DENND2B: variants seen among roughly 807,000 people sequenced by gnomAD.
DENND2B encodes DENN domain containing 2B, also known as DENN domain-containing protein 2B.
DENND2B carries 32 observed loss-of-function variants against 116.0 expected under a neutral mutation model. The ratio of observed to expected loss-of-function variants is 0.28; its 90% CI spans 0.21 to 0.37. The LOEUF (loss-of-function observed/expected upper bound fraction) is 0.37. Among genes scored for constraint, DENND2B ranks in the 10% least tolerant of loss-of-function variants. The pLI is 1.00. For synonymous variants in DENND2B, 588 were observed against 583.9 expected (o/e 1.01, Z -0.10); for missense variants, 1,276 against 1,477.7 (o/e 0.86, Z 2.24).
chr11:8,697,960 T>C, intron 16 of DENND2B: 1 of 467,262 alleles, frequency 2.1e-6, no homozygotes, highest in South Asian at 1.6e-5. Flanking sequence ...AGCAGGTCCC[T>C]CTATCTGCAA....
intron 10 of DENND2B, 83 bp from the exon 11 acceptor site, chr11:8,710,997 C>T (rs1455452281): frequency 5.1e-6 from 8 of 1,584,038 alleles, no homozygotes; most frequent in Admixed American, 1.7e-5. Flanking sequence ...GTCATTTTCA[C>T]GTGGGGTGAA....
intron 1 of DENND2B, among the ~76,000 whole-genome samples, chr11:8,883,403 A>C (rs1016076823): frequency 6.6e-6 from 1 of 152,230 alleles, no homozygotes; most frequent in Non-Finnish European, 1.5e-5. Flanking sequence ...TGAATGAAGA[A>C]TGTTCATTCC....
chr11:8,871,815 G>A (rs2134712639), upstream of DENND2B, among the ~76,000 whole-genome samples: 1 of 152,290 alleles, frequency 6.6e-6, no homozygotes, highest in African/African-American at 2.4e-5. Context: ...GAGAATCTGT[G>A]ATTTATTAGT....
Position 8,713,973 on chromosome 11 carries a change from CGTACTCATGGGAGCT to C in DENND2B, c.1987+10_1987+24del, listed in dbSNP as rs1250850848. On this transcript the variant is annotated intron_variant, in intron 8 of 19. Transcript: ENST00000313726. The stretch of plus-strand genomic sequence containing the variant: ...CCTGCAGCCCTGCTGGGAGAGCTTC[CGTACTCATGGGAGCT>C]GTGCCTCACCTTTGAACCTGTCATC... 2 of 1,613,464 alleles carry C rather than the reference CGTACTCATGGGAGCT, an allele frequency of 1.2e-6. No homozygotes were observed. The highest frequency in any genetic ancestry group is 1.7e-6 in the Non-Finnish European group (2 of 1,179,684).
intron 3 of DENND2B, among the ~76,000 whole-genome samples, chr11:8,848,064 A>C (rs2134637057): frequency 6.6e-6 from 1 of 152,344 alleles, no homozygotes; most frequent in East Asian, 1.9e-4. Flanking sequence ...AGCATAAGAA[A>C]AAGAAAAAAC....
At chr11:8,870,502 CGTGT>C (rs1400102801) in intron 2 of DENND2B, among the ~76,000 whole-genome samples, 2 of 140,628 alleles carry the variant, frequency 1.4e-5, no homozygotes, top group Non-Finnish European at 3.2e-5. Flanking sequence ...GTGTGTTGTG[CGTGT>C]GTATGTGTGT....
intron 2 of DENND2B, among the ~76,000 whole-genome samples, chr11:8,880,671 T>C (rs10840141): frequency 0.35 from 53,667 of 152,046 alleles, 10,789 homozygotes; most frequent in Non-Finnish European, 0.44. Flanking sequence ...TCACGCATGT[T>C]ATCTCCTAGA....
chr11:8,886,288 C>T (rs2063960190), intron 1 of DENND2B, among the ~76,000 whole-genome samples: 1 of 152,200 alleles, frequency 6.6e-6, no homozygotes, highest in African/African-American at 2.4e-5. Context: ...TAAGGCTTTG[C>T]CTTTTCTACT....
At chr11:8,806,062 G>T (rs576937647) in intron 1 of DENND2B, among the ~76,000 whole-genome samples, 1 of 152,156 alleles carries the variant, frequency 6.6e-6, no homozygotes, top group Admixed American at 6.5e-5. Flanking sequence ...GTAGGCCTCC[G>T]AGGTCAGCCC....
intron 1 of DENND2B, among the ~76,000 whole-genome samples, chr11:8,888,506 G>A (rs946072103): frequency 2.0e-5 from 3 of 152,118 alleles, no homozygotes; most frequent in Non-Finnish European, 2.9e-5. Context: ...GCTTCAAAAC[G>A]TTGAATTGGC....
intron 4 of DENND2B, among the ~76,000 whole-genome samples, chr11:8,821,119 CA>C (rs372858193): frequency 0.29 from 29,212 of 102,218 alleles, 2,898 homozygotes; most frequent in East Asian, 0.43. Flanking sequence ...GACTCTGCCT[CA>C]AAAAAAAAAA....
intron 1 of DENND2B, among the ~76,000 whole-genome samples, chr11:8,906,416 G>T: frequency 6.8e-6 from 1 of 147,818 alleles, no homozygotes. Flanking sequence ...AGCCAGGATG[G>T]TCTCAATCTC....
intron 4 of DENND2B, among the ~76,000 whole-genome samples, chr11:8,725,555 T>C (rs996671875): frequency 2.0e-5 from 3 of 152,004 alleles, no homozygotes; most frequent in African/African-American, 7.3e-5. Flanking sequence ...TTTGTATTTT[T>C]AGTAGAGATG....
At chr11:8,801,103 T>C (rs1035275849) in intron 1 of DENND2B, among the ~76,000 whole-genome samples, 2 of 151,796 alleles carry the variant, frequency 1.3e-5, no homozygotes, top group East Asian at 1.9e-4. Flanking sequence ...CATTCTGCTC[T>C]TTGACACTGG....
At chr11:8,862,428 C>T (rs1438741111) in intron 2 of DENND2B, among the ~76,000 whole-genome samples, 2 of 145,890 alleles carry the variant, frequency 1.4e-5, no homozygotes, top group Non-Finnish European at 3.0e-5. Context: ...CTCGGGTGAT[C>T]ACCTCAGGTG....
chr11:8,749,693 T>C (rs1331047837), intron 2 of DENND2B, among the ~76,000 whole-genome samples: 1 of 152,164 alleles, frequency 6.6e-6, no homozygotes, highest in African/African-American at 2.4e-5. Context: ...CAGCCAGATA[T>C]CCAGGAATGA....
chr11:8,880,267 A>C (rs941134595), intron 2 of DENND2B, among the ~76,000 whole-genome samples: 2 of 151,766 alleles, frequency 1.3e-5, no homozygotes, highest in Non-Finnish European at 1.5e-5. Context: ...CTTTCAACTA[A>C]TCAAGACTTG....
chr11:8,789,870 C>T (rs1329840019), intron 1 of DENND2B, among the ~76,000 whole-genome samples: 2 of 152,136 alleles, frequency 1.3e-5, no homozygotes, highest in Non-Finnish European at 2.9e-5. Flanking sequence ...CCCCCACCAT[C>T]TAACTAAAAC....
At chr11:8,854,047 T>TTTTG (rs2063110958) in intron 3 of DENND2B, among the ~76,000 whole-genome samples, 1 of 119,394 alleles carries the variant, frequency 8.4e-6, no homozygotes, top group Non-Finnish European at 1.8e-5. Flanking sequence ...TTTTTTTTTT[T>TTTTG]GTAGAGACAG....
Sources: gnomAD v4.1 joint callset for allele counts (sites outside exome capture counted in the v4.1 genomes callset) on GRCh38, gnomAD v4.1.1 for gene constraint, MANE v1.5 for transcripts, NCBI Gene and HGNC (gene_info 2026-07-23, HGNC 2026-07-21) for gene names.